Variants in MCU observed in about 807,000 individuals in gnomAD.
MCU encodes mitochondrial calcium uniporter, also known as calcium uniporter protein, mitochondrial.
MCU carries 12 observed loss-of-function variants against 45.2 expected under a neutral mutation model. The observed-to-expected ratio is 0.27, with a 90% CI of 0.17 to 0.43. The LOEUF is 0.43. Ranked by LOEUF, MCU falls within the 20% of genes least tolerant of loss-of-function variation. MCU has a pLI of 1.00. For synonymous variants in MCU, 160 were observed against 165.1 expected, an observed-to-expected ratio of 0.97 and a Z score of 0.24; for missense variants, 324 against 436.7, an observed-to-expected ratio of 0.74 and a Z score of 2.30.
At chr10:72,738,158 A>G (rs1486936824) in intron 1 of MCU, among the ~76,000 whole-genome samples, 1 of 152,202 alleles carries the variant, frequency 6.6e-6, no homozygotes, top group Non-Finnish European at 1.5e-5. Flanking sequence ...ATATAACAAA[A>G]CTAATAATTA....
At chr10:72,791,345 T>A (rs1844157033) in intron 1 of MCU, among the ~76,000 whole-genome samples, 1 of 152,228 alleles carries the variant, frequency 6.6e-6, no homozygotes, top group Admixed American at 6.5e-5. Context: ...GTGTATAGAC[T>A]GTAAACCGTA....
chr10:72,776,351 A>G (rs1456219128), intron 1 of MCU, among the ~76,000 whole-genome samples: 1 of 152,176 alleles, frequency 6.6e-6, no homozygotes, highest in East Asian at 1.9e-4. Flanking sequence ...TCAACAACAC[A>G]TTAAAAAGAT....
intron 1 of MCU, among the ~76,000 whole-genome samples, chr10:72,800,078 A>G (rs1844315458): frequency 6.6e-6 from 1 of 152,178 alleles, no homozygotes; most frequent in South Asian, 2.1e-4. Context: ...CTCATGTAAC[A>G]TGCTGCAGTC....
intron 1 of MCU, among the ~76,000 whole-genome samples, chr10:72,711,774 C>A (rs1372761308): frequency 6.9e-6 from 1 of 145,244 alleles, no homozygotes; most frequent in Non-Finnish European, 1.5e-5. Flanking sequence ...TGCAGTGGCA[C>A]AATCTCCATT....
At chr10:72,723,136 C>T (rs1367510958) in intron 1 of MCU, among the ~76,000 whole-genome samples, 2 of 152,090 alleles carry the variant, frequency 1.3e-5, no homozygotes, top group East Asian at 1.9e-4. Flanking sequence ...GCGGAGCTTG[C>T]AGTGAGCCGA....
intron 1 of MCU, among the ~76,000 whole-genome samples, chr10:72,804,220 G>A (rs1290632130): frequency 2.0e-5 from 3 of 150,432 alleles, no homozygotes; most frequent in Non-Finnish European, 4.4e-5. Context: ...CCAAGTAGCT[G>A]GGATTACAGG....
At chr10:72,831,178 C>T (rs541324264) in intron 1 of MCU, among the ~76,000 whole-genome samples, 3 of 152,068 alleles carry the variant, frequency 2.0e-5, no homozygotes, top group Admixed American at 1.3e-4. Flanking sequence ...TAATGAAAGT[C>T]GGAAAGATGA....
At chr10:72,832,539 A>C (rs969989145) in intron 1 of MCU, among the ~76,000 whole-genome samples, 1 of 152,228 alleles carries the variant, frequency 6.6e-6, no homozygotes, top group African/African-American at 2.4e-5. Context: ...CTGCATGAAA[A>C]CAACTTCAAA....
chr10:72,699,643 G>A (rs1842732324), intron 1 of MCU, among the ~76,000 whole-genome samples: 1 of 149,914 alleles, frequency 6.7e-6, no homozygotes, highest in African/African-American at 2.5e-5. Flanking sequence ...CCATGCTGGA[G>A]TGCAGTGGCG....
intron 2 of MCU, among the ~76,000 whole-genome samples, chr10:72,845,224 A>G (rs1011532797): frequency 6.6e-6 from 1 of 152,158 alleles, no homozygotes; most frequent in Non-Finnish European, 1.5e-5. Flanking sequence ...ATTACAGTCA[A>G]CTTCTCTACA....
chr10:72,798,019 A>C (rs1844277888), intron 1 of MCU, among the ~76,000 whole-genome samples: 1 of 152,160 alleles, frequency 6.6e-6, no homozygotes, highest in Admixed American at 6.5e-5. Flanking sequence ...ATTGACCAAA[A>C]AAAAGTACTA....
At chr10:72,834,880 G>A (rs1178920959) in intron 2 of MCU, among the ~76,000 whole-genome samples, 2 of 152,074 alleles carry the variant, frequency 1.3e-5, no homozygotes, top group African/African-American at 2.4e-5. Context: ...GACTAGTCTC[G>A]AACCCACGTG....
intron 1 of MCU, among the ~76,000 whole-genome samples, chr10:72,723,275 G>A (rs1186453491): frequency 6.6e-6 from 1 of 152,090 alleles, no homozygotes; most frequent in Non-Finnish European, 1.5e-5. Flanking sequence ...AAATTTGTCA[G>A]AACGAAGATT....
intron 2 of MCU, among the ~76,000 whole-genome samples, chr10:72,857,172 T>C (rs559419686): frequency 6.6e-6 from 1 of 152,250 alleles, no homozygotes; most frequent in East Asian, 1.9e-4. Flanking sequence ...TCATGTAATA[T>C]GCTAAGTGTT....
rs1033283650 is a variant in MCU, at chr10:72,868,448, A to T, written c.497-255A>T. Among the ~76,000 whole-genome samples, 7 of 152,008 alleles carry T rather than the reference A, an allele frequency of 4.6e-5. No homozygotes were observed. In the East Asian group the frequency reaches 1.2e-3, roughly 25 times the overall value. ...ACACCTGTAGTCCCAGCTACTTGGG[A>T]AGTTAACGTCGGAGGATTACTTGAG... On this transcript the variant is annotated intron_variant, in intron 4 of 7. Transcript: ENST00000373053.
At position 72,849,631 on chromosome 10, in the gene MCU, T is replaced by C. The variant is rs76579134; in HGVS notation, c.221-9546T>C. Among the ~76,000 whole-genome samples, 511 of 152,164 alleles carry C rather than the reference T, an allele frequency of 3.4e-3. 19 individuals carry two copies. The East Asian group carries it at 0.085, about 25-fold the overall frequency. On this transcript the variant is annotated intron_variant, in intron 2 of 7. Coordinates refer to ENST00000373053, the MANE Select transcript of MCU (RefSeq NM_138357.3). ...CCTAGGACAAAGCACTTAGAAACTTTTAAGGGATGAATAGAGGAAGAATAG... is the reference window on the plus strand; with the variant it reads ...CCTAGGACAAAGCACTTAGAAACTTCTAAGGGATGAATAGAGGAAGAATAG...
chr10:72,863,567 A>G (rs1389420491), intron 4 of MCU, among the ~76,000 whole-genome samples: 2 of 152,246 alleles, frequency 1.3e-5, no homozygotes, highest in African/African-American at 4.8e-5. Context: ...CAAAAACATT[A>G]AGAAAAGTAT....
chr10:72,774,154 A>G (rs1369394139), intron 1 of MCU, among the ~76,000 whole-genome samples: 2 of 152,226 alleles, frequency 1.3e-5, no homozygotes, highest in Non-Finnish European at 2.9e-5. Context: ...TAACTCTAAT[A>G]TGAAGCCCAA....
At position 72,824,272 on chromosome 10, in the gene MCU, C is replaced by G. The variant is rs188185129; in HGVS notation, c.151-10087C>G. 2.1e-4 allele frequency among the ~76,000 whole-genome samples: 32 copies of G among 150,760 alleles called. 1 individual carries two copies. In the East Asian group the frequency reaches 6.1e-3, roughly 29 times the overall value. On this transcript the variant is annotated intron_variant, in intron 1 of 7. Coordinates refer to ENST00000373053, the MANE Select transcript of MCU (RefSeq NM_138357.3). ...AGTGCAGTGGCTTGATCTCAGCTCA[C>G]TGCAACCTCCACCTCCCAGGTTCAA...
Sources: gnomAD v4.1 joint callset for allele counts (sites outside exome capture counted in the v4.1 genomes callset) on GRCh38, gnomAD v4.1.1 for gene constraint, MANE v1.5 for transcripts, NCBI Gene and HGNC (gene_info 2026-07-23, HGNC 2026-07-21) for gene names.